The following GRIK4 variants were observed in gnomAD, a reference collection of about 807,000 sequenced individuals.
GRIK4 encodes the protein glutamate ionotropic receptor kainate type subunit 4.
Under a neutral mutation model 104.9 loss-of-function variants are expected in GRIK4, and 40 were observed. The ratio of observed to expected loss-of-function variants is 0.38; its 90% confidence interval spans 0.30 to 0.50. The LOEUF is 0.50. Ranked by LOEUF, GRIK4 falls within the 20% of genes least tolerant of loss-of-function variation. The probability of loss-of-function intolerance (pLI) is 0.93; values close to 1 mark genes in which losing one functional copy is unlikely to be tolerated. For missense variants in GRIK4, 1,047 were observed against 1,308.1 expected (o/e 0.80, Z 3.08); for synonymous variants, 485 against 524.9 (o/e 0.92, Z 1.04).
At chr11:120,666,014 A>T (rs1389307555) in intron 3 of GRIK4, among the ~76,000 whole-genome samples, 2 of 152,168 alleles carry the variant, frequency 1.3e-5, no homozygotes, top group African/African-American at 4.8e-5. Context: ...GAGGTTAGAG[A>T]TGAATTAGGC....
Position 120,630,705 on chromosome 11 carries a change from G to A in GRIK4, c.-158-22980G>A, listed in dbSNP as rs77470779. On this transcript the variant is annotated intron_variant, in intron 1 of 20. Coordinates refer to ENST00000527524, the MANE Select transcript of GRIK4 (RefSeq NM_014619.5). ...AATGAACAAGTGATTTAAAATTATC[G>A]TAGTCTACTTCAAAACTACTTTTTT... 6.6e-4 allele frequency among the ~76,000 whole-genome samples: 101 copies of A among 152,298 alleles called. 2 individuals are homozygous for A. The Middle Eastern group carries it at 0.017, about 26-fold the overall frequency.
rs1951077574 is a variant in GRIK4 at position 120,728,792 on chromosome 11, G to A, written c.82+68392G>A. ...TAAACTCTTTTAGTTATTTTTAAAT[G>A]TACAATTAAATTATTATTGACTATA... On this transcript the variant is annotated intron_variant, in intron 3 of 20. Coordinates refer to ENST00000527524, the MANE Select transcript of GRIK4 (RefSeq NM_014619.5). Among the ~76,000 whole-genome samples, 3 of 152,086 alleles carry A rather than the reference G, an allele frequency of 2.0e-5. 1 individual carries two copies. The South Asian group carries it at 6.2e-4, about 32-fold the overall frequency.
chr11:120,948,025 T>C (rs1943905278), intron 14 of GRIK4, among the ~76,000 whole-genome samples: 1 of 152,092 alleles, frequency 6.6e-6, no homozygotes, highest in African/African-American at 2.4e-5. Flanking sequence ...CCTCTTGGAG[T>C]CAGAGGTGGA....
chr11:120,579,228 C>A (rs564221822), intron 1 of GRIK4, among the ~76,000 whole-genome samples: 4 of 151,860 alleles, frequency 2.6e-5, no homozygotes, highest in Admixed American at 6.6e-5. Context: ...CAAAATAACC[C>A]CCCCCCCTTT....
intron 13 of GRIK4, among the ~76,000 whole-genome samples, chr11:120,921,290 A>G (rs186274488): frequency 1.3e-5 from 2 of 152,312 alleles, no homozygotes; most frequent in Non-Finnish European, 2.9e-5. Flanking sequence ...TGTCTTCTTT[A>G]TCCGTCTATT....
intron 13 of GRIK4, among the ~76,000 whole-genome samples, chr11:120,920,283 G>A (rs1943198704): frequency 6.6e-6 from 1 of 152,146 alleles, no homozygotes; most frequent in African/African-American, 2.4e-5. Flanking sequence ...CGCTCTGTGA[G>A]TGTTCGCTCT....
At chr11:120,984,538 G>C (rs1165640003) in intron 20 of GRIK4, among the ~76,000 whole-genome samples, 2 of 152,178 alleles carry the variant, frequency 1.3e-5, no homozygotes, top group African/African-American at 2.4e-5. Context: ...GGAGGCCGAG[G>C]CAGGTGAATC....
intron 13 of GRIK4, among the ~76,000 whole-genome samples, chr11:120,928,567 A>G (rs1388556650): frequency 3.3e-5 from 5 of 152,260 alleles, no homozygotes; most frequent in Admixed American, 3.3e-4. Flanking sequence ...GGTCAAGGGT[A>G]AATAGTATCT....
chr11:120,900,236 A>G lies in GRIK4; in HGVS notation c.1272+1597A>G, dbSNP rs138903483. On this transcript the variant is annotated intron_variant, in intron 12 of 20. Coordinates refer to ENST00000527524, the MANE Select transcript of GRIK4 (RefSeq NM_014619.5). Reference sequence around the variant, plus strand: ...GTGTTCAGGAAAAGCTGAAAGGTACAGGTTTTCCTGAGAAATAGACACTGG... The same window carrying G: ...GTGTTCAGGAAAAGCTGAAAGGTACGGGTTTTCCTGAGAAATAGACACTGG... 2.8e-3 allele frequency among the ~76,000 whole-genome samples: 428 copies of G among 152,352 alleles called. 1 individual carries two copies. The highest frequency in any genetic ancestry group is 9.8e-3 in the African/African-American group (409 of 41,586).
intron 13 of GRIK4, among the ~76,000 whole-genome samples, chr11:120,935,883 A>C (rs1270636435): frequency 1.3e-5 from 2 of 152,198 alleles, no homozygotes; most frequent in Admixed American, 6.5e-5. Flanking sequence ...TGTGTTAACT[A>C]TACAAAAAAA....
chr11:120,723,219 A>G (rs1383439360), intron 3 of GRIK4, among the ~76,000 whole-genome samples: 1 of 152,208 alleles, frequency 6.6e-6, no homozygotes, highest in Admixed American at 6.5e-5. Flanking sequence ...TCTTGGGAAC[A>G]ATATTCTCTC....
intron 13 of GRIK4, among the ~76,000 whole-genome samples, chr11:120,911,310 C>T (rs376460144): frequency 8.6e-4 from 129 of 149,752 alleles, no homozygotes; most frequent in African/African-American, 3.0e-3. Flanking sequence ...GCGATCTCGA[C>T]TCACTGCAAG....
At chr11:120,923,603 C>T (rs1403301440) in intron 13 of GRIK4, among the ~76,000 whole-genome samples, 6 of 151,870 alleles carry the variant, frequency 4.0e-5, no homozygotes, top group Admixed American at 1.3e-4. Context: ...GTAGTAGAGA[C>T]GGGGTTTCAC....
chr11:120,705,898 T>C (rs777876167), intron 3 of GRIK4, among the ~76,000 whole-genome samples: 10 of 152,226 alleles, frequency 6.6e-5, no homozygotes, highest in Non-Finnish European at 1.2e-4. Context: ...TTAGCTCTAG[T>C]AGTGTTCGTG....
At chr11:120,619,266 G>A (rs1213062195) in intron 1 of GRIK4, among the ~76,000 whole-genome samples, 3 of 152,144 alleles carry the variant, frequency 2.0e-5, no homozygotes, top group Admixed American at 2.0e-4. Flanking sequence ...CTTTCTTTTG[G>A]CTTATTTCTC....
intron 3 of GRIK4, among the ~76,000 whole-genome samples, chr11:120,705,418 G>T (rs113275083): frequency 1.1e-4 from 17 of 152,044 alleles, no homozygotes; most frequent in African/African-American, 3.9e-4. Flanking sequence ...TAGAGACAAG[G>T]TTTCACCATG....
chr11:120,638,994 C>T (rs1260380772), intron 1 of GRIK4, among the ~76,000 whole-genome samples: 3 of 151,630 alleles, frequency 2.0e-5, no homozygotes, highest in Admixed American at 6.6e-5. Flanking sequence ...GTCAGGAGTT[C>T]GAAACCAGCC....
chr11:120,964,180 C>T (rs574382892), intron 18 of GRIK4, among the ~76,000 whole-genome samples: 6 of 151,790 alleles, frequency 4.0e-5, no homozygotes, highest in Non-Finnish European at 5.9e-5. Flanking sequence ...TTGGTAGAGA[C>T]GGGGTTTCAC....
At position 120,592,866 on chromosome 11, in the gene GRIK4, G is replaced by A. The variant is rs117916974; in HGVS notation, c.-158-60819G>A. The stretch of plus-strand genomic sequence containing the variant: ...TTTGGATCATTCGCAGCAAGGCAGG[G>A]ATGTGCTCTGTTCTCTGTCATCTTT... On this transcript the variant is annotated intron_variant, in intron 1 of 20. Transcript: ENST00000527524. Among the ~76,000 whole-genome samples, 1,004 of 152,264 alleles carry A rather than the reference G, an allele frequency of 6.6e-3. 3 individuals are homozygous for A. Among genetic ancestry groups the A allele is most frequent in the Middle Eastern group, 0.027 (8 of 294 alleles).
Sources: gnomAD v4.1 joint callset for allele counts (sites outside exome capture counted in the v4.1 genomes callset) on GRCh38, gnomAD v4.1.1 for gene constraint, MANE v1.5 for transcripts, NCBI Gene and HGNC (gene_info 2026-07-23, HGNC 2026-07-21) for gene names.